Variants in NSDHL observed in about 807,000 individuals in gnomAD.
NSDHL encodes the protein sterol-4-alpha-carboxylate 3-dehydrogenase, decarboxylating.
NSDHL carries 1 observed loss-of-function variant against 23.0 expected under a neutral mutation model. The ratio of observed to expected loss-of-function variants is 0.04; its 90% confidence interval spans 0.02 to 0.21. The LOEUF is 0.21. Among genes scored for constraint, NSDHL ranks in the 10% least tolerant of loss-of-function variants. The probability of loss-of-function intolerance (pLI) is 1.00; values close to 1 mark genes in which losing one functional copy is unlikely to be tolerated. For synonymous variants in NSDHL, 128 were observed against 121.1 expected (o/e 1.06, Z -0.37); for missense variants, 237 against 300.9 (o/e 0.79, Z 1.57).
chrX:152,848,193 G>C (rs1395408422), intron 2 of NSDHL, among the ~76,000 whole-genome samples: 1 of 111,672 alleles, frequency 9.0e-6, no homozygotes, highest in African/African-American at 3.3e-5. Context: ...CCAAGAGGTT[G>C]ATCTTATAAC....
intron 6 of NSDHL, among the ~76,000 whole-genome samples, chrX:152,867,046 G>T (rs1399284386): frequency 9.0e-6 from 1 of 111,670 alleles, no homozygotes; most frequent in Non-Finnish European, 1.9e-5. Flanking sequence ...AGGTGGAGGG[G>T]CCTCCACAGG....
At chrX:152,866,030 C>T in intron 6 of NSDHL, 69 bp downstream of exon 6, 3 of 1,107,590 alleles carry the variant, frequency 2.7e-6, no homozygotes, top group Non-Finnish European at 3.7e-6. Context: ...GAGCACTTGG[C>T]AGGAGCCACA....
intron 3 of NSDHL, among the ~76,000 whole-genome samples, chrX:152,851,182 G>A (rs1277429416): frequency 8.9e-6 from 1 of 112,235 alleles, no homozygotes; most frequent in Non-Finnish European, 1.9e-5. Flanking sequence ...TGTGGCACAA[G>A]CCCCATTGCT....
chrX:152,845,897 G>A (rs782355065), intron 1 of NSDHL, among the ~76,000 whole-genome samples: 211 of 112,714 alleles, frequency 1.9e-3, no homozygotes, highest in Non-Finnish European at 3.0e-3. Flanking sequence ...CTCCCTAGGT[G>A]TGGGCACTGC....
intron 3 of NSDHL, among the ~76,000 whole-genome samples, chrX:152,850,893 T>C (rs1448062947): frequency 8.9e-6 from 1 of 112,405 alleles, no homozygotes; most frequent in Non-Finnish European, 1.9e-5. Flanking sequence ...CCAGAATATT[T>C]GTATTACCCC....
intron 1 of NSDHL, among the ~76,000 whole-genome samples, chrX:152,841,347 G>A (rs1215044425): frequency 8.9e-6 from 1 of 112,747 alleles, no homozygotes; most frequent in Non-Finnish European, 1.9e-5. Flanking sequence ...GGTGAACCAG[G>A]TACCTCCATT....
intron 2 of NSDHL, among the ~76,000 whole-genome samples, chrX:152,846,883 G>T (rs1397397505): frequency 8.9e-6 from 1 of 112,332 alleles, no homozygotes; most frequent in African/African-American, 3.2e-5. Flanking sequence ...ATTTAGTGTC[G>T]CAAGTCTCAG....
chrX:152,847,616 A>T (rs782322059), intron 2 of NSDHL, among the ~76,000 whole-genome samples: 1 of 112,146 alleles, frequency 8.9e-6, no homozygotes, highest in African/African-American at 3.2e-5. Context: ...GTCCTTCGAA[A>T]TAACATTTTT....
At position 152,868,991 on chromosome X, in the gene NSDHL, G is replaced by A. The variant is rs373233176; in HGVS notation, c.997G>A (p.Gly333Ser). 1.2e-5 allele frequency: 15 copies of A among 1,210,295 alleles called. No individual in the cohort carries two copies. In the African/African-American group the frequency reaches 2.6e-4, roughly 21 times the overall value. Reference protein sequence around the residue: ...TFTPMRVALAGTFHYYSCERA... With the variant: ...TFTPMRVALASTFHYYSCERA... ...CACACCCATGCGGGTCGCACTGGCT[G>A]GCACATTCCACTACTACAGCTGCGA... Residue 333 changes from glycine to serine, a missense_variant, in exon 8 of 8, where the codon GGC (glycine) becomes AGC (serine). This residue lies in a region of NSDHL where 117 missense variants were observed against 99.5 expected (regional missense o/e 1.18). Transcript: ENST00000370274.
At chrX:152,842,445 G>T (rs1329876211) in intron 1 of NSDHL, among the ~76,000 whole-genome samples, 1 of 111,960 alleles carries the variant, frequency 8.9e-6, no homozygotes, top group Non-Finnish European at 1.9e-5. Flanking sequence ...CCTCACTGTG[G>T]TTTTGATTTG....
chrX:152,852,641 A>C (rs1185105341), intron 3 of NSDHL, among the ~76,000 whole-genome samples: 4 of 111,278 alleles, frequency 3.6e-5, no homozygotes, highest in Non-Finnish European at 7.5e-5. Flanking sequence ...TGCCTTGTGC[A>C]TGGCCATGGC....
rs782215082 is a variant in NSDHL, at chrX:152,856,574, C to T, written c.268-2196C>T. Among the ~76,000 whole-genome samples, 280 of 111,308 alleles carry T rather than the reference C, an allele frequency of 2.5e-3. 2 individuals are homozygous for T. The highest frequency in any genetic ancestry group is 8.2e-3 in the African/African-American group (250 of 30,593). ...GGGCTTCTTGGGAAAATTGCTCATT[C>T]TAGGACCCTAGGGCAAGGGCAGTAC... On this transcript the variant is annotated intron_variant, in intron 3 of 7. Transcript: ENST00000370274.
At chrX:152,852,854 A>G (rs190750145) in intron 3 of NSDHL, among the ~76,000 whole-genome samples, 3 of 110,232 alleles carry the variant, frequency 2.7e-5, no homozygotes, top group Admixed American at 9.7e-5. Flanking sequence ...TGGTGGTTGA[A>G]TCTCAGTCCT....
At chrX:152,858,736 G>A (rs1373287461) in intron 3 of NSDHL, 34 bp from the exon 4 acceptor site, 4 of 1,199,940 alleles carry the variant, frequency 3.3e-6, no homozygotes, top group African/African-American at 3.5e-5. Context: ...TGTCAAAGCA[G>A]GAATGATTAT....
At chrX:152,841,828 T>C (rs1175750369) in intron 1 of NSDHL, among the ~76,000 whole-genome samples, 1 of 111,825 alleles carries the variant, frequency 8.9e-6, no homozygotes, top group Non-Finnish European at 1.9e-5. Flanking sequence ...CTTCACCATA[T>C]TTAGGTGGAC....
intron 1 of NSDHL, among the ~76,000 whole-genome samples, chrX:152,839,844 C>T (rs1933162305): frequency 8.9e-6 from 1 of 112,219 alleles, no homozygotes; most frequent in Non-Finnish European, 1.9e-5. Flanking sequence ...GAATGTTGGC[C>T]TGCCTTGCTA....
chrX:152,850,468 G>C (rs887734464), intron 3 of NSDHL, 45 bp downstream of exon 3: 1 of 1,139,378 alleles, frequency 8.8e-7, no homozygotes, highest in Non-Finnish European at 1.2e-6. Flanking sequence ...AGCCCACGAA[G>C]GGAAACCACG....
intron 3 of NSDHL, among the ~76,000 whole-genome samples, chrX:152,853,154 A>AGC: frequency 3.5e-5 from 1 of 28,384 alleles, no homozygotes; most frequent in East Asian, 1.7e-3. Context: ...TGTGTGTGTG[A>AGC]GCGTATGTGT....
chrX:152,837,116 G>T (rs1459666139), intron 1 of NSDHL, among the ~76,000 whole-genome samples: 1 of 111,914 alleles, frequency 8.9e-6, no homozygotes, highest in African/African-American at 3.3e-5. Flanking sequence ...TCTGCTATTG[G>T]TGTTTAGGAA....
Sources: gnomAD v4.1 joint callset for allele counts (sites outside exome capture counted in the v4.1 genomes callset) on GRCh38, gnomAD v4.1.1 for gene constraint, gnomAD v4.1.1 regional missense constraint, MANE v1.5 for transcripts, NCBI Gene and HGNC (gene_info 2026-07-23, HGNC 2026-07-21) for gene names.